The following OR56B2 variants were observed in gnomAD, a reference collection of about 807,000 sequenced individuals.
The protein encoded by OR56B2 is olfactory receptor 56B2.
At chr11:5,766,042 T>G in the OR56B2 span, 8 of 140,662 alleles carry the variant, frequency 5.7e-5, 2 homozygotes, top group African/African-American at 2.1e-4. Context: ...GTACTTAGAC[T>G]GGAGTGAAGG....
the OR56B2 span, chr11:5,765,571 G>A: frequency 7.1e-6 from 1 of 140,360 alleles, no homozygotes; most frequent in Non-Finnish European, 1.6e-5. Flanking sequence ...ATGGCACTGA[G>A]AAACAGCCTG....
chr11:5,767,422 C>T, the OR56B2 span: 1 of 139,002 alleles, frequency 7.2e-6, no homozygotes, highest in East Asian at 2.1e-4. Flanking sequence ...CTATCCACAC[C>T]ATAGCAGCTA....
At chr11:5,761,645 T>C in the OR56B2 span, among the ~76,000 whole-genome samples, 1 of 152,160 alleles carries the variant, frequency 6.6e-6, no homozygotes, top group Non-Finnish European at 1.5e-5. Flanking sequence ...TCCAGCTCCG[T>C]TGAGTTTTTA....
chr11:5,761,214 T>C, the OR56B2 span: 2 of 152,330 alleles, frequency 1.3e-5, no homozygotes, highest in East Asian at 1.9e-4. Context: ...TCACTACATA[T>C]GACAAGTCTT....
At chr11:5,763,706 A>G in the OR56B2 span, among the ~76,000 whole-genome samples, 5 of 140,636 alleles carry the variant, frequency 3.6e-5, 1 homozygote, top group Admixed American at 1.5e-4. Flanking sequence ...TTTCTGCTTC[A>G]GTATTCATTC....
At chr11:5,763,471 G>T in the OR56B2 span, among the ~76,000 whole-genome samples, 1 of 138,858 alleles carries the variant, frequency 7.2e-6, no homozygotes, top group African/African-American at 2.6e-5. Context: ...ACGCCACCAT[G>T]CCCGGCTAAT....
At chr11:5,767,339 T>G in the OR56B2 span, 2 of 139,420 alleles carry the variant, frequency 1.4e-5, 1 homozygote, top group Middle Eastern at 7.0e-3. Context: ...CATCTCTTAC[T>G]GGGCCCCACT....
At chr11:5,761,191 G>C in the OR56B2 span, 1 of 152,088 alleles carries the variant, frequency 6.6e-6, no homozygotes, top group African/African-American at 2.4e-5. Flanking sequence ...ACCAGCTCTG[G>C]GTATACTGAA....
the OR56B2 span, among the ~76,000 whole-genome samples, chr11:5,762,702 C>T: frequency 9.9e-5 from 15 of 151,878 alleles, no homozygotes; most frequent in African/African-American, 3.6e-4. Flanking sequence ...CAAAGTATCA[C>T]ATGTACACTG....
the OR56B2 span, among the ~76,000 whole-genome samples, chr11:5,764,649 T>C: frequency 7.2e-6 from 1 of 139,742 alleles, no homozygotes; most frequent in Non-Finnish European, 1.6e-5. Flanking sequence ...ATATACTCTA[T>C]CATCAAATAT....
chr11:5,763,817 CG>C, the OR56B2 span, among the ~76,000 whole-genome samples: 1 of 139,712 alleles, frequency 7.2e-6, no homozygotes, highest in African/African-American at 2.6e-5. Flanking sequence ...ATGGGAGATA[CG>C]TATATCAACT....
the OR56B2 span, among the ~76,000 whole-genome samples, chr11:5,764,269 T>C: frequency 4.2e-5 from 6 of 141,188 alleles, 2 homozygotes; most frequent in South Asian, 1.4e-3. Flanking sequence ...AAAGCATTGC[T>C]CTCAAAATCA....
the OR56B2 span, chr11:5,765,736 T>C: frequency 7.1e-6 from 1 of 140,174 alleles, no homozygotes; most frequent in Non-Finnish European, 1.6e-5. Context: ...GCTTGGACAC[T>C]CATGGGAAGT....
At chr11:5,766,191 CA>C in the OR56B2 span, 1 of 140,520 alleles carries the variant, frequency 7.1e-6, no homozygotes, top group Non-Finnish European at 1.6e-5. Context: ...CACTTTAGAA[CA>C]AAGGAGATAG....
the OR56B2 span, among the ~76,000 whole-genome samples, chr11:5,762,546 C>G: frequency 6.6e-6 from 1 of 151,946 alleles, no homozygotes; most frequent in Non-Finnish European, 1.5e-5. Context: ...AAGAGATTTA[C>G]ATTTAACTCC....
chr11:5,766,098 CAT>C, the OR56B2 span: 1 of 140,422 alleles, frequency 7.1e-6, no homozygotes, highest in African/African-American at 2.6e-5. Context: ...ATTTTCTTCA[CAT>C]GTTTTTATAT....
chr11:5,762,177 G>T, the OR56B2 span, among the ~76,000 whole-genome samples: 1 of 151,654 alleles, frequency 6.6e-6, no homozygotes, highest in Admixed American at 6.6e-5. Context: ...CTAGATCATT[G>T]TATTTTCTAA....
At chr11:5,767,341 G>C in the OR56B2 span, 2 of 138,832 alleles carry the variant, frequency 1.4e-5, no homozygotes, top group Admixed American at 1.5e-4. Context: ...TCTCTTACTG[G>C]GCCCCACTTC....
At chr11:5,765,055 A>G in the OR56B2 span, 1 of 140,900 alleles carries the variant, frequency 7.1e-6, no homozygotes, top group East Asian at 2.1e-4. Context: ...CAATACTTCC[A>G]TAGAGATTAT....
Sources: gnomAD v4.1 joint callset for allele counts (sites outside exome capture counted in the v4.1 genomes callset) on GRCh38, gnomAD v4.1.1 for gene constraint, MANE v1.5 for transcripts, NCBI Gene and HGNC (gene_info 2026-07-23, HGNC 2026-07-21) for gene names.